Variants in GNA11 observed in about 807,000 individuals in gnomAD.
GNA11 encodes G protein subunit alpha 11.
In GNA11, 8 loss-of-function variants were observed where a neutral mutation model predicts 38.2. That is an observed-to-expected ratio of 0.21 (90% CI 0.12 to 0.38). The LOEUF (loss-of-function observed/expected upper bound fraction) is 0.38, where lower values mean the gene tolerates loss of function less well. GNA11 is among the 10% of genes least tolerant of loss of function. The probability of loss-of-function intolerance (pLI) is 1.00; values close to 1 mark genes in which losing one functional copy is unlikely to be tolerated. For missense variants in GNA11, 268 were observed against 516.3 expected (o/e 0.52, Z 4.66); for synonymous variants, 211 against 221.4 (o/e 0.95, Z 0.42).
Position 3,121,107 on chromosome 19 carries a change from C to T in GNA11, c.1008C>T (p.Asn336=), listed in dbSNP as rs928679789. The T allele has an allele frequency of 2.0e-5, 32 of 1,613,676 alleles. No individual in the cohort carries two copies. Among genetic ancestry groups the T allele is most frequent in the Non-Finnish European group, 2.5e-5 (30 of 1,179,792 alleles). The part of the protein sequence containing the change: ...SHFTCATDTE[N]IRFVFAAVKD... Reference sequence around the variant, plus strand: ...TCACGTGTGCCACCGACACGGAGAACATCCGCTTCGTGTTCGCGGCCGTGA... The same window carrying T: ...TCACGTGTGCCACCGACACGGAGAATATCCGCTTCGTGTTCGCGGCCGTGA... Residue 336 remains asparagine, a synonymous_variant, in exon 7 of 7, where the codon AAC becomes AAT. Transcript: ENST00000078429.
Position 3,119,406 on chromosome 19 carries a change from C to CG in GNA11, c.889+47_889+48insG, listed in dbSNP as rs752392488. The CG allele has an allele frequency of 2.3e-5, 35 of 1,545,584 alleles. No individual in the cohort carries two copies. Among genetic ancestry groups the CG allele is most frequent in the Non-Finnish European group, 2.7e-5 (31 of 1,133,574 alleles). On this transcript the variant is annotated intron_variant, in intron 6 of 6. Transcript: ENST00000078429. This position sits in a 1 kb window ranked among gnomAD's most constrained non-coding sequence, Gnocchi z 4.6. ...GGAGGGGCTCGCGGGCAGGGCCTTA[C>CG]TGGGGGGAGGGGGCTGATATGGGAG... is the stretch of plus-strand genomic sequence containing the variant.
At position 3,119,749 on chromosome 19, in the gene GNA11, G is replaced by A. The variant is rs1914020219; in HGVS notation, c.889+390G>A. Among the ~76,000 whole-genome samples the A allele has an allele frequency of 6.6e-6, 1 of 151,724 alleles. No individual in the cohort carries two copies. The highest frequency in any genetic ancestry group is 1.5e-5 in the Non-Finnish European group (1 of 67,856). On this transcript the variant is annotated intron_variant, in intron 6 of 6. Coordinates refer to ENST00000078429, the MANE Select transcript of GNA11 (RefSeq NM_002067.5). This position sits in a 1 kb window ranked among gnomAD's most constrained non-coding sequence, Gnocchi z 4.6. ...GGGAGTTGTCGTATGGGGGTGTCCTGTATAGGTGATCCCATATGGGAGGGG... is the reference window on the plus strand; with the variant it reads ...GGGAGTTGTCGTATGGGGGTGTCCTATATAGGTGATCCCATATGGGAGGGG...
At chr19:3,111,113 T>C (rs1009128723) in intron 2 of GNA11, among the ~76,000 whole-genome samples, 8 of 139,730 alleles carry the variant, frequency 5.7e-5, no homozygotes, top group African/African-American at 2.5e-4. Context: ...GTTTTTTTTC[T>C]TTTTTTTTTG....
chr19:3,111,986 C>T (rs1913786057), intron 2 of GNA11, among the ~76,000 whole-genome samples: 1 of 152,254 alleles, frequency 6.6e-6, no homozygotes, highest in African/African-American at 2.4e-5. Flanking sequence ...CTTAGATCTC[C>T]ATCAGCTTCT....
rs767868573 is a variant in GNA11 at position 3,121,454 on chromosome 19, TAA to T, written c.*290_*291del. On this transcript the variant is annotated 3_prime_UTR_variant, in exon 7 of 7. Coordinates refer to ENST00000078429, the MANE Select transcript of GNA11 (RefSeq NM_002067.5). ...CCTTGACTTATGGCTCGCTTTTTTC[TAA>T]AAAAAAAAAAAAAAGAAAGAAAGAA... 748 of 194,294 alleles carry T rather than the reference TAA, an allele frequency of 3.8e-3. No individual in the cohort carries two copies. The highest frequency in any genetic ancestry group is 4.9e-3 in the Non-Finnish European group (503 of 101,682). The allele number at this position is 194,294 out of a possible 1,614,324, so 12.0% of individuals were successfully genotyped here.
At chr19:3,116,343 GC>G (rs1913921722) in intron 4 of GNA11, among the ~76,000 whole-genome samples, 2 of 152,256 alleles carry the variant, frequency 1.3e-5, no homozygotes, top group South Asian at 4.1e-4. Context: ...CCTTATTCCC[GC>G]CCAGTGCTGG....
chr19:3,096,636 C>T (rs1470208486), intron 1 of GNA11, among the ~76,000 whole-genome samples: 4 of 152,150 alleles, frequency 2.6e-5, no homozygotes, highest in Admixed American at 6.5e-5. Context: ...CGGCCCTTCC[C>T]GCATCCTCTG....
rs912436270 is a variant in GNA11 at position 3,119,447 on chromosome 19, C to T, written c.889+88C>T. On this transcript the variant is annotated intron_variant, in intron 6 of 6. Coordinates refer to ENST00000078429, the MANE Select transcript of GNA11 (RefSeq NM_002067.5). The surrounding 1 kb of genome is among the most constrained non-coding windows in gnomAD (Gnocchi z 4.6). ...GATATGGGAGAGGGGCTCATACAGGCCGGGAGCTCTAAGGGAGGGCGTCTG... is the reference window on the plus strand; with the variant it reads ...GATATGGGAGAGGGGCTCATACAGGTCGGGAGCTCTAAGGGAGGGCGTCTG... 32 of 1,269,928 alleles carry T rather than the reference C, an allele frequency of 2.5e-5. No homozygotes were observed. The highest frequency in any genetic ancestry group is 3.5e-5 in the Non-Finnish European group (32 of 902,880). 78.7% of individuals were successfully genotyped at this position (1,269,928 alleles called of 1,614,324 possible).
chr19:3,103,088 C>G (rs965748009), intron 1 of GNA11, among the ~76,000 whole-genome samples: 1 of 152,170 alleles, frequency 6.6e-6, no homozygotes, highest in Non-Finnish European at 1.5e-5. Context: ...GCTCAGGCGT[C>G]GTAGACGGGA....
rs945108582 is a variant in GNA11 at position 3,119,581 on chromosome 19, G to C, written c.889+222G>C. ...ACGCGGGTGTCTCATACCCGTGGGAGATCTGTTAATGCAGGGACTCCTTAT... is the reference window on the plus strand; with the variant it reads ...ACGCGGGTGTCTCATACCCGTGGGACATCTGTTAATGCAGGGACTCCTTAT... On this transcript the variant is annotated intron_variant, in intron 6 of 6. Transcript: ENST00000078429. This position sits in a 1 kb window ranked among gnomAD's most constrained non-coding sequence, Gnocchi z 4.6. 7.0e-6 allele frequency among the ~76,000 whole-genome samples: 1 copy of C among 143,526 alleles called. No homozygotes were observed. The highest frequency in any genetic ancestry group is 2.5e-5 in the African/African-American group (1 of 39,534). 94.2% of individuals were successfully genotyped at this position (143,526 alleles called of 152,430 possible). A position where few individuals can be genotyped will look rare whatever the true frequency, so the allele number is the denominator to read the frequency against.
chr19:3,097,140 C>G (rs1313264919), intron 1 of GNA11, among the ~76,000 whole-genome samples: 2 of 152,146 alleles, frequency 1.3e-5, no homozygotes, highest in Non-Finnish European at 2.9e-5. Context: ...TGCGATTGCC[C>G]CCGTTTTTCA....
chr19:3,113,068 T>A (rs573972816), intron 2 of GNA11, among the ~76,000 whole-genome samples: 2 of 152,316 alleles, frequency 1.3e-5, no homozygotes, highest in South Asian at 4.1e-4. Context: ...AAGAAGTGAA[T>A]CGAAGCCCGG....
chr19:3,114,601 T>C (rs1913859188), intron 3 of GNA11, among the ~76,000 whole-genome samples: 1 of 152,150 alleles, frequency 6.6e-6, no homozygotes, highest in South Asian at 2.1e-4. Flanking sequence ...GGAAGTCCCC[T>C]GCCCTGGGTC....
At chr19:3,097,400 G>A (rs1290472158) in intron 1 of GNA11, among the ~76,000 whole-genome samples, 5 of 152,248 alleles carry the variant, frequency 3.3e-5, no homozygotes, top group Non-Finnish European at 7.4e-5. Flanking sequence ...AGTGGATGTC[G>A]GGGAGGGAGG....
At position 3,110,116 on chromosome 19, in the gene GNA11, C is replaced by G. The variant is rs1322940489; in HGVS notation, c.137-33C>G. The G allele has an allele frequency of 6.5e-7, 1 of 1,549,972 alleles. No homozygotes were observed. Among genetic ancestry groups the G allele is most frequent in the Non-Finnish European group, 8.7e-7 (1 of 1,143,678 alleles). ...CAGCAGCACGAGAGTCAGGCCCCGG[C>G]TGCCGCCCGCCCTCACGTGCCCCGT... On this transcript the variant is annotated intron_variant, in intron 1 of 6. Coordinates refer to ENST00000078429, the MANE Select transcript of GNA11 (RefSeq NM_002067.5). The surrounding 1 kb of genome is among the most constrained non-coding windows in gnomAD (Gnocchi z 5.4).
At chr19:3,095,056 C>T (rs1015784863) in intron 1 of GNA11, among the ~76,000 whole-genome samples, 13 of 151,728 alleles carry the variant, frequency 8.6e-5, no homozygotes, top group African/African-American at 2.4e-4. Flanking sequence ...TGGGTCGGCT[C>T]GGGACCCTCT....
chr19:3,103,519 C>CTTTTTTTTTTTTTTTTTTTT (rs760497682), intron 1 of GNA11, among the ~76,000 whole-genome samples: 3 of 45,814 alleles, frequency 6.5e-5, no homozygotes, highest in Admixed American at 3.5e-4. Context: ...GGCCTTGAAT[C>CTTTTTTTTTTTTTTTTTTTT]TTTTTTTTTT....
In GNA11 at chr19:3,120,384, A is replaced by G. The variant is rs1163254168; in HGVS notation, c.890-605A>G. On this transcript the variant is annotated intron_variant, in intron 6 of 6. Transcript: ENST00000078429. The surrounding 1 kb of genome is among the most constrained non-coding windows in gnomAD (Gnocchi z 5.9). ...GGACTGGGGCATAGACCCCTGTCCC[A>G]CCAGTCCCCAGAGCAGCCCCTTGAA... is the stretch of plus-strand genomic sequence containing the variant. Among the ~76,000 whole-genome samples the G allele has an allele frequency of 6.6e-6, 1 of 151,816 alleles. No homozygotes were observed. The highest frequency in any genetic ancestry group is 1.5e-5 in the Non-Finnish European group (1 of 67,914).
chr19:3,101,515 C>G (rs978833829), intron 1 of GNA11, among the ~76,000 whole-genome samples: 1 of 152,010 alleles, frequency 6.6e-6, no homozygotes, highest in African/African-American at 2.4e-5. Flanking sequence ...GAGGGTTGAC[C>G]GGTCAGGCCC....
Sources: allele counts gnomAD v4.1 joint callset (sites outside exome capture counted in the v4.1 genomes callset), GRCh38; gene constraint gnomAD v4.1.1; non-coding constraint Gnocchi (gnomAD v3.1); transcripts MANE v1.5; gene names NCBI Gene and HGNC (gene_info 2026-07-23, HGNC 2026-07-21).